Variants in WDR59 observed in about 807,000 individuals in gnomAD.
WDR59 encodes WD repeat domain 59, also known as GATOR2 complex protein WDR59.
In WDR59, 100 loss-of-function variants were observed where a neutral mutation model predicts 131.2. The observed-to-expected ratio is 0.76, with a 90% CI of 0.65 to 0.90. WDR59 has a LOEUF of 0.90. Among genes scored for constraint, WDR59 ranks in the 40% least tolerant of loss-of-function variants. The pLI is 0.00. For missense variants in WDR59, 1,203 were observed against 1,262.2 expected (o/e 0.95, Z 0.71); for synonymous variants, 601 against 466.2 (o/e 1.29, Z -3.72).
intron 25 of WDR59, among the ~76,000 whole-genome samples, chr16:74,878,211 TG>T (rs1964311073): frequency 2.0e-5 from 3 of 152,254 alleles, no homozygotes; most frequent in Non-Finnish European, 4.4e-5. Context: ...TCAACCTCCC[TG>T]GGGAACTGTA....
chr16:74,930,242 G>A (rs1315390359), intron 8 of WDR59, among the ~76,000 whole-genome samples: 1 of 152,052 alleles, frequency 6.6e-6, no homozygotes, highest in African/African-American at 2.4e-5. Context: ...TTGAGGTGAT[G>A]GACACCCAAT....
chr16:74,955,740 G>T (rs541055717), intron 3 of WDR59, among the ~76,000 whole-genome samples: 1 of 152,214 alleles, frequency 6.6e-6, no homozygotes, highest in East Asian at 1.9e-4. Context: ...ACTGCACAGT[G>T]GTCCTGCCCC....
At chr16:74,877,248 A>G (rs1295663020) in intron 25 of WDR59, among the ~76,000 whole-genome samples, 1 of 152,188 alleles carries the variant, frequency 6.6e-6, no homozygotes, top group Non-Finnish European at 1.5e-5. Flanking sequence ...ACACACACAC[A>G]CACACAAACA....
Position 74,956,592 on chromosome 16 carries a change from G to C in WDR59, c.123C>G (p.Ile41Met), listed in dbSNP as rs772038321. 5 of 1,613,970 alleles carry C rather than the reference G, an allele frequency of 3.1e-6. No individual in the cohort carries two copies. Among genetic ancestry groups the C allele is most frequent in the Non-Finnish European group, 4.2e-6 (5 of 1,179,992 alleles). ...AVLSGRRFLY[I>M]VNLDAPFEGH... ...CTTCGAAAGGGGCATCTAGATTGAC[G>C]ATGTATAAGAATCTGCGGCTAGAGA... The change falls in exon 3 of 26, where the codon ATC becomes ATG. Residue 41 changes from isoleucine to methionine, a missense_variant. Coordinates refer to ENST00000262144, the MANE Select transcript of WDR59 (RefSeq NM_030581.4).
chr16:74,893,236 G>C (rs867376826), intron 19 of WDR59, among the ~76,000 whole-genome samples: 11 of 152,236 alleles, frequency 7.2e-5, no homozygotes, highest in Middle Eastern at 3.4e-3. Context: ...TCCTGGGTGG[G>C]GCTGACCTCA....
intron 3 of WDR59, among the ~76,000 whole-genome samples, chr16:74,952,402 A>T (rs1254718872): frequency 6.8e-6 from 1 of 147,104 alleles, no homozygotes; most frequent in Non-Finnish European, 1.5e-5. Flanking sequence ...TGATTGTGCC[A>T]CTGTACTCCA....
chr16:74,917,871 A>G (rs1442432579), intron 11 of WDR59, 58 bp downstream of exon 11: 1 of 1,514,020 alleles, frequency 6.6e-7, no homozygotes, highest in Non-Finnish European at 9.1e-7. Context: ...CAAATCCTGA[A>G]TCTTACACTT....
At chr16:74,895,410 G>C (rs941665879) in intron 18 of WDR59, among the ~76,000 whole-genome samples, 2 of 152,076 alleles carry the variant, frequency 1.3e-5, no homozygotes, top group African/African-American at 4.8e-5. Flanking sequence ...TTACAGGCAT[G>C]CACCATCATA....
chr16:74,910,959 G>T (rs1475882102), intron 14 of WDR59, among the ~76,000 whole-genome samples: 1 of 152,062 alleles, frequency 6.6e-6, no homozygotes, highest in African/African-American at 2.4e-5. Context: ...CACCTCCTGG[G>T]TTCAAGTGAT....
rs1964864780 is a variant in WDR59, at chr16:74,888,214, A to C, written c.2301T>G (p.Pro767=). ...CAAGATTAGAAGAACGGTTAGGAAA[A>C]GGCCCAAAGGGGTTTGGTAGCCCCT... ...RPQGLPNPFG[P]FPNRSSNLVV... Residue 767 remains proline, a synonymous_variant, in exon 22 of 26, where the codon CCT becomes CCG. Coordinates refer to ENST00000262144, the MANE Select transcript of WDR59 (RefSeq NM_030581.4). 6.2e-7 allele frequency: 1 copy of C among 1,613,672 alleles called. No individual in the cohort carries two copies. Among genetic ancestry groups the C allele is most frequent in the Admixed American group, 1.7e-5 (1 of 59,912 alleles).
At chr16:74,951,838 G>A (rs2033016554) in intron 3 of WDR59, among the ~76,000 whole-genome samples, 1 of 152,104 alleles carries the variant, frequency 6.6e-6, no homozygotes, top group African/African-American at 2.4e-5. Context: ...CTGCAGACGA[G>A]CTTCATGGGC....
chr16:74,890,198 T>C (rs183384634), intron 20 of WDR59, among the ~76,000 whole-genome samples: 1 of 152,360 alleles, frequency 6.6e-6, no homozygotes, highest in East Asian at 1.9e-4. Context: ...TCGCCCAGGC[T>C]GGAGTGCCGT....
At chr16:74,981,652 A>ATTT (rs1567450950) in intron 1 of WDR59, among the ~76,000 whole-genome samples, 10 of 7,720 alleles carry the variant, frequency 1.3e-3, no homozygotes, top group African/African-American at 1.5e-3. Context: ...ATATATATAT[A>ATTT]TATATATATT....
chr16:74,932,006 T>G (rs536731400), intron 8 of WDR59, among the ~76,000 whole-genome samples: 2 of 151,686 alleles, frequency 1.3e-5, no homozygotes, highest in African/African-American at 4.8e-5. Flanking sequence ...TTTCAAAATC[T>G]TTAAGACCTT....
chr16:74,904,159 G>A, intron 17 of WDR59, 59 bp from the exon 18 acceptor site: 1 of 1,569,716 alleles, frequency 6.4e-7, no homozygotes, highest in South Asian at 1.2e-5. Context: ...TTTCCAAGTG[G>A]TGCTATTCTT....
chr16:74,941,285 G>C (rs2032198253), intron 7 of WDR59, among the ~76,000 whole-genome samples: 1 of 149,102 alleles, frequency 6.7e-6, no homozygotes, highest in Non-Finnish European at 1.5e-5. Flanking sequence ...AGGCTGCAGT[G>C]AGCCATAGTT....
At chr16:74,937,271 T>C (rs1249447890) in intron 8 of WDR59, among the ~76,000 whole-genome samples, 2 of 152,228 alleles carry the variant, frequency 1.3e-5, no homozygotes, top group African/African-American at 2.4e-5. Flanking sequence ...ATCTTGAGCA[T>C]TTCCTGTAAG....
intron 13 of WDR59, among the ~76,000 whole-genome samples, chr16:74,914,220 A>G (rs1966250560): frequency 6.6e-6 from 1 of 152,202 alleles, no homozygotes; most frequent in African/African-American, 2.4e-5. Flanking sequence ...CTCAATAAAA[A>G]AAAAAAGATG....
intron 20 of WDR59, among the ~76,000 whole-genome samples, chr16:74,890,353 G>A (rs1292582609): frequency 1.3e-5 from 2 of 152,082 alleles, no homozygotes; most frequent in African/African-American, 4.8e-5. Context: ...GTTTTGCCAT[G>A]TTGGCCAGGC....
Sources: allele counts gnomAD v4.1 joint callset (sites outside exome capture counted in the v4.1 genomes callset), GRCh38; gene constraint gnomAD v4.1.1; transcripts MANE v1.5; gene names NCBI Gene and HGNC (gene_info 2026-07-23, HGNC 2026-07-21).